The following PRMT8 variants were observed in gnomAD, a reference collection of about 807,000 sequenced individuals.
The protein encoded by PRMT8 is protein arginine methyltransferase 8.
Under a neutral mutation model 47.1 loss-of-function variants are expected in PRMT8, and 7 were observed. The ratio of observed to expected loss-of-function variants is 0.15; its 90% confidence interval spans 0.08 to 0.28. The LOEUF is 0.28. Among genes scored for constraint, PRMT8 ranks in the 10% least tolerant of loss-of-function variants. The probability of loss-of-function intolerance (pLI) is 1.00; values close to 1 mark genes in which losing one functional copy is unlikely to be tolerated. For synonymous variants in PRMT8, 188 were observed against 186.5 expected (o/e 1.01, Z -0.07); for missense variants, 237 against 505.4 (o/e 0.47, Z 5.09).
chr12:3,387,046 A>G (rs556979716), intron 1 of PRMT8, among the ~76,000 whole-genome samples: 12 of 152,270 alleles, frequency 7.9e-5, no homozygotes, highest in Non-Finnish European at 1.6e-4. Flanking sequence ...CCAATAGGCT[A>G]TGAGCCCTTC....
chr12:3,593,366 C>T lies in PRMT8; in HGVS notation c.*184C>T. Reference sequence around the variant, plus strand: ...CTGCCACTGGACAGAAGGCCTCCAGCTCCTCCGCTCTGCCCTGGTAGCCCT... The same window carrying T: ...CTGCCACTGGACAGAAGGCCTCCAGTTCCTCCGCTCTGCCCTGGTAGCCCT... On this transcript the variant is annotated 3_prime_UTR_variant, in exon 10 of 10. Coordinates refer to ENST00000382622, the MANE Select transcript of PRMT8 (RefSeq NM_019854.5). This position sits in a 1 kb window ranked among gnomAD's most constrained non-coding sequence, Gnocchi z 4.8. 5.2e-6 allele frequency: 3 copies of T among 581,178 alleles called. No individual in the cohort carries two copies. The highest frequency in any genetic ancestry group is 1.9e-5 in the African/African-American group (1 of 53,012). The allele number at this position is 581,178 out of a possible 1,614,324, so 36.0% of individuals were successfully genotyped here.
rs369719549 is a variant in PRMT8 at position 3,478,307 on chromosome 12, T to TCTATCTATCTATCTATCTATCTAC, written c.49-62296_49-62295insTCTATCTATCTATCTATCTACCTA. ...ATCTATCTATCTATCTATCTATCTATCTACCTACCTATCTATCTGTCTGTC... is the reference window on the plus strand; with the variant it reads ...ATCTATCTATCTATCTATCTATCTATCTATCTATCTATCTATCTATCTACCTACCTACCTATCTATCTGTCTGTC... On this transcript the variant is annotated intron_variant, in intron 1 of 9. Transcript: ENST00000452611. Among the ~76,000 whole-genome samples the TCTATCTATCTATCTATCTATCTAC allele has an allele frequency of 1.1e-4, 15 of 135,724 alleles. 2 individuals carry two copies. Among genetic ancestry groups the TCTATCTATCTATCTATCTATCTAC allele is most frequent in the South Asian group, 4.7e-4 (2 of 4,264 alleles). 89.0% of individuals were successfully genotyped at this position (135,724 alleles called of 152,430 possible). A position where few individuals can be genotyped will look rare whatever the true frequency, so the allele number is the denominator to read the frequency against.
At position 3,514,750 on chromosome 12, in the gene PRMT8, C is replaced by T. The variant is rs1045874909; in HGVS notation, c.75+23050C>T. 2.6e-5 allele frequency among the ~76,000 whole-genome samples: 4 copies of T among 152,126 alleles called. No individual in the cohort carries two copies. The highest frequency in any genetic ancestry group is 4.4e-5 in the Non-Finnish European group (3 of 68,026). ...GGGGAGGGAGGGGCATTGATTCCCT[C>T]GGCCCCTCCCTATGGGGGTCACTGT... On this transcript the variant is annotated intron_variant, in intron 1 of 9. Coordinates refer to ENST00000382622, the MANE Select transcript of PRMT8 (RefSeq NM_019854.5). The surrounding 1 kb of genome is among the most constrained non-coding windows in gnomAD (Gnocchi z 5.9).
chr12:3,573,854 C>T (rs370645461), intron 6 of PRMT8: 1 of 152,160 alleles, frequency 6.6e-6, no homozygotes, highest in Non-Finnish European at 1.5e-5. Context: ...CCCACATACA[C>T]TTATTTGGCA....
chr12:3,471,551 C>T (rs1013463210), intron 1 of PRMT8, among the ~76,000 whole-genome samples: 1 of 151,670 alleles, frequency 6.6e-6, no homozygotes, highest in South Asian at 2.1e-4. Context: ...CACGATGCCT[C>T]CTCAGTCACC....
chr12:3,538,418 A>G lies in PRMT8; in HGVS notation c.76-2188A>G. 2.9e-6 allele frequency: 1 copy of G among 345,722 alleles called. No individual in the cohort carries two copies. Among genetic ancestry groups the G allele is most frequent in the Non-Finnish European group, 5.7e-6 (1 of 174,738 alleles). 21.4% of individuals were successfully genotyped at this position (345,722 alleles called of 1,614,324 possible). A position where few individuals can be genotyped will look rare whatever the true frequency, so the allele number is the denominator to read the frequency against. On this transcript the variant is annotated intron_variant, in intron 1 of 9. Transcript: ENST00000382622. This position sits in a 1 kb window ranked among gnomAD's most constrained non-coding sequence, Gnocchi z 4.6. ...AGATCTGTGCAGTAGGCAGTTGTGG[A>G]ATTAAAAGCAACACCCCATGTCGCT... is the stretch of plus-strand genomic sequence containing the variant.
upstream of PRMT8, among the ~76,000 whole-genome samples, chr12:3,490,716 A>AGAGAGAGAGAGAGAGG (rs1565420868): frequency 6.9e-6 from 1 of 145,138 alleles, no homozygotes; most frequent in African/African-American, 2.6e-5. Flanking sequence ...AGAGAGAGAG[A>AGAGAGAGAGAGAGAGG]GAGAAAAGGA....
intron 1 of PRMT8, among the ~76,000 whole-genome samples, chr12:3,451,704 C>A (rs530431776): frequency 5.8e-4 from 88 of 152,308 alleles, no homozygotes; most frequent in Admixed American, 3.9e-3. Context: ...CCCGCTTAGG[C>A]CGCAGTGCTG....
chr12:3,532,309 A>AT (rs1166292232), intron 1 of PRMT8, among the ~76,000 whole-genome samples: 1 of 149,074 alleles, frequency 6.7e-6, no homozygotes, highest in Non-Finnish European at 1.5e-5. Flanking sequence ...TTATTTTAGC[A>AT]TTTTAAAGGC....
At chr12:3,584,555 A>G (rs1428693188) in intron 8 of PRMT8, among the ~76,000 whole-genome samples, 1 of 152,218 alleles carries the variant, frequency 6.6e-6, no homozygotes, top group Non-Finnish European at 1.5e-5. Flanking sequence ...AGTGAGACAC[A>G]TGCACAACAG....
chr12:3,453,058 C>T lies in PRMT8; in HGVS notation c.48+71616C>T, dbSNP rs912232251. On this transcript the variant is annotated intron_variant, in intron 1 of 9. Coordinates refer to the PRMT8 transcript ENST00000452611. The surrounding 1 kb of genome is among the most constrained non-coding windows in gnomAD (Gnocchi z 4.9). ...GGGAAGCTAAACCCTGGACTGGGAT[C>T]ACATGAAAGGAGATGAAATGAGGGA... is the stretch of plus-strand genomic sequence containing the variant. Among the ~76,000 whole-genome samples, 1 of 152,146 alleles carries T rather than the reference C, an allele frequency of 6.6e-6. No homozygotes were observed. Among genetic ancestry groups the T allele is most frequent in the Non-Finnish European group, 1.5e-5 (1 of 68,032 alleles).
Position 3,436,829 on chromosome 12 carries a change from C to T in PRMT8, c.48+55387C>T, listed in dbSNP as rs1864748511. On this transcript the variant is annotated intron_variant, in intron 1 of 9. Coordinates refer to the PRMT8 transcript ENST00000452611. This position sits in a 1 kb window ranked among gnomAD's most constrained non-coding sequence, Gnocchi z 4.2. ...CAGGCAAGGCTGCGATTTCTCTCTA[C>T]TGATGCTGTGGCCTCTGTGGCAGGG... Among the ~76,000 whole-genome samples the T allele has an allele frequency of 6.6e-6, 1 of 152,242 alleles. No individual in the cohort carries two copies. The highest frequency in any genetic ancestry group is 2.1e-4 in the South Asian group (1 of 4,836).
intron 8 of PRMT8, among the ~76,000 whole-genome samples, chr12:3,589,747 T>G (rs1340700310): frequency 6.6e-6 from 1 of 152,198 alleles, no homozygotes; most frequent in Non-Finnish European, 1.5e-5. Context: ...ATCATCTTCC[T>G]CCAACTCAAA....
At chr12:3,469,066 C>T (rs1865134430) in intron 1 of PRMT8, 8 of 457,366 alleles carry the variant, frequency 1.7e-5, no homozygotes, top group Non-Finnish European at 2.6e-5. Context: ...TTAAGAAATT[C>T]ATCATTTGAA....
chr12:3,563,773 G>A (rs1364122096), intron 4 of PRMT8, among the ~76,000 whole-genome samples: 3 of 152,040 alleles, frequency 2.0e-5, no homozygotes, highest in Admixed American at 1.3e-4. Flanking sequence ...TCACTCCTTA[G>A]GCAAAAATAA....
At chr12:3,548,415 C>T (rs1054595185) in intron 2 of PRMT8, among the ~76,000 whole-genome samples, 2 of 152,058 alleles carry the variant, frequency 1.3e-5, no homozygotes, top group Non-Finnish European at 2.9e-5. Context: ...AGAAGACATT[C>T]ACAATATATA....
intron 8 of PRMT8, among the ~76,000 whole-genome samples, chr12:3,591,274 G>A (rs947495752): frequency 1.3e-5 from 2 of 152,126 alleles, no homozygotes; most frequent in Non-Finnish European, 2.9e-5. Context: ...GCCAGCATTA[G>A]GGCTGTGGAA....
In PRMT8 at chr12:3,456,726, A is replaced by T. The variant is rs1864977242; in HGVS notation, c.48+75284A>T. Among the ~76,000 whole-genome samples the T allele has an allele frequency of 6.6e-6, 1 of 152,184 alleles. No individual in the cohort carries two copies. Among genetic ancestry groups the T allele is most frequent in the South Asian group, 2.1e-4 (1 of 4,832 alleles). On this transcript the variant is annotated intron_variant, in intron 1 of 9. Transcript: ENST00000452611. The surrounding 1 kb of genome is among the most constrained non-coding windows in gnomAD (Gnocchi z 4.2). ...GGGAGGGCAGTGAGGAACCCGTGAG[A>T]AGGGGCCAACGCCCGGAGCAGCCAC...
rs781537810 is a variant in PRMT8 at position 3,560,603 on chromosome 12, A to G, written c.481+6889A>G. Among the ~76,000 whole-genome samples, 156 of 152,248 alleles carry G rather than the reference A, an allele frequency of 1.0e-3. 5 individuals carry two copies. Among genetic ancestry groups the G allele is most frequent in the Non-Finnish European group, 2.8e-4 (19 of 68,040 alleles). On this transcript the variant is annotated intron_variant, in intron 4 of 9. Transcript: ENST00000382622. Reference sequence around the variant, plus strand: ...ACATAGGAGCTCAGAGGTTGATTGCATTGGTTTAACTCTAGAAACAAAAAA... The same window carrying G: ...ACATAGGAGCTCAGAGGTTGATTGCGTTGGTTTAACTCTAGAAACAAAAAA...
Sources: gnomAD v4.1 joint callset for allele counts (sites outside exome capture counted in the v4.1 genomes callset) on GRCh38, gnomAD v4.1.1 for gene constraint, Gnocchi (gnomAD v3.1) non-coding constraint, MANE v1.5 for transcripts, NCBI Gene and HGNC (gene_info 2026-07-23, HGNC 2026-07-21) for gene names.